Variants in EPB41L5 observed in about 807,000 individuals in gnomAD.
The protein encoded by EPB41L5 is erythrocyte membrane protein band 4.1 like 5, also known as band 4.1-like protein 5.
In EPB41L5, 55 loss-of-function variants were observed where a neutral mutation model predicts 106.6. The ratio of observed to expected loss-of-function variants is 0.52; its 90% CI spans 0.42 to 0.65. The LOEUF is 0.65. Ranked by LOEUF, EPB41L5 falls within the 30% of genes least tolerant of loss-of-function variation. EPB41L5 has a pLI of 0.00. For synonymous variants in EPB41L5, 297 were observed against 306.7 expected (o/e 0.97, Z 0.33); for missense variants, 871 against 882.1 (o/e 0.99, Z 0.16).
intron 16 of EPB41L5, chr2:120,104,049 C>G (rs1377646846): frequency 7.2e-6 from 11 of 1,525,324 alleles, no homozygotes; most frequent in Non-Finnish European, 9.6e-6. Context: ...TCCCACTCCC[C>G]AACCATCCAG....
intron 21 of EPB41L5, among the ~76,000 whole-genome samples, chr2:120,162,631 A>G (rs1687184408): frequency 6.6e-6 from 1 of 152,258 alleles, no homozygotes; most frequent in Non-Finnish European, 1.5e-5. Flanking sequence ...AGAACCTGAG[A>G]TGTTTTTGAA....
At chr2:120,090,612 A>G (rs911563160) in intron 12 of EPB41L5, 96 bp downstream of exon 12, 1 of 1,086,584 alleles carries the variant, frequency 9.2e-7, no homozygotes, top group South Asian at 1.6e-5. Flanking sequence ...TAACTAAGGT[A>G]TAGAGGAATA....
intron 18 of EPB41L5, among the ~76,000 whole-genome samples, chr2:120,141,366 G>T (rs1343131603): frequency 6.6e-6 from 1 of 152,002 alleles, no homozygotes; most frequent in Non-Finnish European, 1.5e-5. Flanking sequence ...GATAACAGCT[G>T]GGAAGTACAG....
chr2:120,155,985 C>T (rs138836198), intron 20 of EPB41L5, among the ~76,000 whole-genome samples: 7 of 152,102 alleles, frequency 4.6e-5, no homozygotes, highest in African/African-American at 9.7e-5. Context: ...CACGGACACT[C>T]GAGTTGCAGG....
Position 120,176,984 on chromosome 2 carries a change from C to T in EPB41L5, c.*2077C>T, listed in dbSNP as rs1687941784. The T allele has an allele frequency of 6.6e-6, 1 of 152,148 alleles. No individual in the cohort carries two copies. Among genetic ancestry groups the T allele is most frequent in the Non-Finnish European group, 1.5e-5 (1 of 68,052 alleles). 9.4% of individuals were successfully genotyped at this position (152,148 alleles called of 1,614,324 possible). ...TTAAAATTCACTTGAATTTCAAGCT[C>T]AGAGGAAACTTTGTCTCATGCCCTG... is the stretch of plus-strand genomic sequence containing the variant. On this transcript the variant is annotated 3_prime_UTR_variant, in exon 25 of 25. Coordinates refer to ENST00000263713, the MANE Select transcript of EPB41L5 (RefSeq NM_020909.4).
chr2:120,157,037 CAT>C (rs1164895643), intron 20 of EPB41L5, among the ~76,000 whole-genome samples: 1 of 152,138 alleles, frequency 6.6e-6, no homozygotes, highest in Non-Finnish European at 1.5e-5. Flanking sequence ...CATAATCGAA[CAT>C]AGAGTATTCC....
chr2:120,026,751 A>C (rs986284657), intron 2 of EPB41L5, among the ~76,000 whole-genome samples: 18 of 152,318 alleles, frequency 1.2e-4, no homozygotes, highest in African/African-American at 4.1e-4. Flanking sequence ...CAAAATGAAA[A>C]ATTTTTCATT....
At position 120,021,942 on chromosome 2, in the gene EPB41L5, G is replaced by A. The variant is rs143934379; in HGVS notation, c.180+2678G>A. ...TAAGGGTCTAGGATAAGGGTCACTA[G>A]TGATTATAGTTAGCCGTCTTCTTCC... is the stretch of plus-strand genomic sequence containing the variant. On this transcript the variant is annotated intron_variant, in intron 2 of 24. Coordinates refer to ENST00000263713, the MANE Select transcript of EPB41L5 (RefSeq NM_020909.4). Among the ~76,000 whole-genome samples, 1,157 of 152,246 alleles carry A rather than the reference G, an allele frequency of 7.6e-3. 17 individuals are homozygous for A. The highest frequency in any genetic ancestry group is 0.026 in the African/African-American group (1,067 of 41,532).
chr2:120,029,960 A>G (rs1678592762), intron 2 of EPB41L5, among the ~76,000 whole-genome samples: 1 of 152,128 alleles, frequency 6.6e-6, no homozygotes, highest in African/African-American at 2.4e-5. Flanking sequence ...TTCGTAGCCC[A>G]CACCTTGAGA....
At chr2:120,071,385 C>T (rs2105313030) in intron 3 of EPB41L5, among the ~76,000 whole-genome samples, 1 of 152,260 alleles carries the variant, frequency 6.6e-6, no homozygotes, top group Middle Eastern at 3.4e-3. Flanking sequence ...GAATCAATAT[C>T]ATGAAAATGG....
intron 18 of EPB41L5, among the ~76,000 whole-genome samples, chr2:120,131,938 TA>T (rs375506864): frequency 9.5e-5 from 14 of 147,606 alleles, no homozygotes; most frequent in Admixed American, 1.4e-4. Context: ...TTTCATGATT[TA>T]AAAAAAAAAA....
chr2:120,046,520 T>C (rs1454339675), intron 3 of EPB41L5, among the ~76,000 whole-genome samples: 1 of 151,582 alleles, frequency 6.6e-6, no homozygotes, highest in Non-Finnish European at 1.5e-5. Context: ...TTTTTTTTCT[T>C]GTAAATTTGT....
intron 2 of EPB41L5, among the ~76,000 whole-genome samples, chr2:120,034,530 T>C (rs1678920191): frequency 1.3e-5 from 2 of 152,194 alleles, no homozygotes; most frequent in South Asian, 2.1e-4. Flanking sequence ...ATAAAAATAC[T>C]TGTAGTGTAG....
intron 3 of EPB41L5, among the ~76,000 whole-genome samples, chr2:120,061,753 A>G (rs952124226): frequency 2.0e-5 from 3 of 152,198 alleles, no homozygotes; most frequent in Non-Finnish European, 2.9e-5. Context: ...TGCTTTTAGA[A>G]AAGGGAAACG....
At chr2:120,074,470 C>G (rs1002758022) in intron 5 of EPB41L5, 1 of 233,582 alleles carries the variant, frequency 4.3e-6, no homozygotes, top group African/African-American at 2.3e-5. Context: ...TCACATGTTT[C>G]AATACATTGC....
chr2:120,046,427 A>G (rs1280251576), intron 3 of EPB41L5, among the ~76,000 whole-genome samples: 2 of 151,076 alleles, frequency 1.3e-5, no homozygotes, highest in Admixed American at 6.6e-5. Context: ...GCATTTTTTC[A>G]TGTGTCTGTT....
intron 2 of EPB41L5, among the ~76,000 whole-genome samples, chr2:120,031,693 A>C (rs1019672197): frequency 9.9e-5 from 15 of 152,216 alleles, no homozygotes; most frequent in African/African-American, 3.1e-4. Flanking sequence ...CTGTTGCCTA[A>C]ACATGATAGA....
chr2:120,104,050 A>G (rs1266717296), intron 16 of EPB41L5: 3 of 1,525,938 alleles, frequency 2.0e-6, no homozygotes, highest in Non-Finnish European at 2.6e-6. Flanking sequence ...CCCACTCCCC[A>G]ACCATCCAGG....
Position 120,034,695 on chromosome 2 carries a change from A to C in EPB41L5, c.181-7311A>C, listed in dbSNP as rs182674197. ...AAAAACAAAACAAAACAAAACAAAA[A>C]AAAAACCACACACACGAAAATTAGC... On this transcript the variant is annotated intron_variant, in intron 2 of 24. Coordinates refer to ENST00000263713, the MANE Select transcript of EPB41L5 (RefSeq NM_020909.4). 1.3e-3 allele frequency among the ~76,000 whole-genome samples: 202 copies of C among 152,146 alleles called. 1 individual carries two copies. The highest frequency in any genetic ancestry group is 2.4e-3 in the Non-Finnish European group (161 of 67,980).
Sources: gnomAD v4.1 joint callset for allele counts (sites outside exome capture counted in the v4.1 genomes callset) on GRCh38, gnomAD v4.1.1 for gene constraint, MANE v1.5 for transcripts, NCBI Gene and HGNC (gene_info 2026-07-23, HGNC 2026-07-21) for gene names.